Variants in SEC23IP observed in about 807,000 individuals in gnomAD.
SEC23IP encodes the protein SEC23-interacting protein.
Under a neutral mutation model 113.4 loss-of-function variants are expected in SEC23IP, and 70 were observed. The ratio of observed to expected loss-of-function variants is 0.62; its 90% confidence interval spans 0.51 to 0.75. The LOEUF is 0.75. Among genes scored for constraint, SEC23IP ranks in the 30% least tolerant of loss-of-function variants. The pLI is 0.00. For synonymous variants in SEC23IP, 398 were observed against 421.0 expected (o/e 0.95, Z 0.67); for missense variants, 1,160 against 1,204.9 (o/e 0.96, Z 0.55).
In SEC23IP at chr10:119,919,684, A is replaced by G. The variant is rs1855180724; in HGVS notation, c.2025+88A>G. 13 of 1,085,676 alleles carry G rather than the reference A, an allele frequency of 1.2e-5. No homozygotes were observed. In the South Asian group the frequency reaches 2.3e-4, roughly 19 times the overall value. 67.3% of individuals were successfully genotyped at this position (1,085,676 alleles called of 1,614,324 possible). A position where few individuals can be genotyped will look rare whatever the true frequency, so the allele number is the denominator to read the frequency against. On this transcript the variant is annotated intron_variant, in intron 11 of 18. Transcript: ENST00000369075. ...AGAATAAACATTTTCGTATCAAAAT[A>G]CACTCCAGAGTAGACAAAGACTGAA...
intron 13 of SEC23IP, among the ~76,000 whole-genome samples, chr10:119,928,236 A>G (rs895590232): frequency 1.3e-5 from 2 of 152,032 alleles, no homozygotes; most frequent in Non-Finnish European, 2.9e-5. Flanking sequence ...TGTTGAATTT[A>G]CCTGTTTTTC....
chr10:119,915,036 G>T (rs1486953973), intron 7 of SEC23IP, among the ~76,000 whole-genome samples: 1 of 152,210 alleles, frequency 6.6e-6, no homozygotes. Flanking sequence ...AATTAGAAGG[G>T]ATCTTGGAAG....
chr10:119,926,153 A>G lies in SEC23IP; in HGVS notation c.2239A>G (p.Arg747Gly), dbSNP rs147474858. ...SLPSESNEPK[R>G]KLPVGACVSS... ...CCCCTCAGAATCCAATGAGCCAAAG[A>G]GGAAACTTCCAGTTGGTGCTTGCGT... The change falls in exon 13 of 19, where the codon AGG becomes GGG. Residue 747 changes from arginine to glycine, a missense_variant. By Grantham distance (125) the Arg-to-Gly change is moderately radical. Coordinates refer to ENST00000369075, the MANE Select transcript of SEC23IP (RefSeq NM_007190.4). 1.5e-5 allele frequency: 25 copies of G among 1,614,048 alleles called. No homozygotes were observed. The African/African-American group carries it at 2.9e-4, about 19-fold the overall frequency.
At chr10:119,932,074 G>T in intron 15 of SEC23IP, 59 bp from the exon 16 acceptor site, 1 of 1,102,446 alleles carries the variant, frequency 9.1e-7, no homozygotes, top group Non-Finnish European at 1.4e-6. Context: ...TACAATTTTT[G>T]TGAGGCAGAA....
rs937627208 is a variant in SEC23IP, at chr10:119,936,456, T to A, written c.*20+2669T>A. ...TACTTGGGAGGCCGAGGCAGGAGGATCTCTTAAAACCTGGGAGGTGGAGGT... is the reference window on the plus strand; with the variant it reads ...TACTTGGGAGGCCGAGGCAGGAGGAACTCTTAAAACCTGGGAGGTGGAGGT... On this transcript the variant is annotated intron_variant, in intron 18 of 18. Transcript: ENST00000369075. 2.0e-5 allele frequency among the ~76,000 whole-genome samples: 3 copies of A among 147,010 alleles called. No homozygotes were observed. The South Asian group carries it at 6.4e-4, about 31-fold the overall frequency.
chr10:119,933,061 G>C lies in SEC23IP; in HGVS notation c.2815G>C (p.Val939Leu). Residue 939 changes from valine to leucine, a missense_variant, in exon 17 of 19, where the codon GTT becomes CTT. Val to Leu is a conservative substitution (Grantham distance 32). Transcript: ENST00000369075. Reference sequence around the variant, plus strand: ...CAAGGATGAGGACTACTTAGGAAAGGTTGGAATGTTAAATGGAGGCCGCCG... The same window carrying C: ...CAAGGATGAGGACTACTTAGGAAAGCTTGGAATGTTAAATGGAGGCCGCCG... Reference protein sequence around the residue: ...FSKDEDYLGKVGMLNGGRRID... With the variant: ...FSKDEDYLGKLGMLNGGRRID... The C allele has an allele frequency of 6.2e-7, 1 of 1,614,102 alleles. No individual in the cohort carries two copies. Among genetic ancestry groups the C allele is most frequent in the Non-Finnish European group, 8.5e-7 (1 of 1,179,956 alleles).
At chr10:119,933,312 TC>T (rs1371820667) in intron 17 of SEC23IP, 145 bp downstream of exon 17, 40 of 750,312 alleles carry the variant, frequency 5.3e-5, no homozygotes, top group Non-Finnish European at 6.2e-5. Flanking sequence ...TCGTTATTTT[TC>T]CCCCTTAGTT....
At chr10:119,893,865 G>T (rs1308217361) in intron 1 of SEC23IP, among the ~76,000 whole-genome samples, 1 of 152,060 alleles carries the variant, frequency 6.6e-6, no homozygotes, top group Non-Finnish European at 1.5e-5. Flanking sequence ...GCTGTTTCTT[G>T]TTCTCTTAGG....
In SEC23IP at chr10:119,900,277, GTGTA is replaced by G. The variant is rs200622164; in HGVS notation, c.696+1322_696+1325del. Among the ~76,000 whole-genome samples, 7 of 133,826 alleles carry G rather than the reference GTGTA, an allele frequency of 5.2e-5. No homozygotes were observed. In the East Asian group the frequency reaches 1.1e-3, roughly 22 times the overall value. 87.8% of individuals were successfully genotyped at this position (133,826 alleles called of 152,430 possible). A position where few individuals can be genotyped will look rare whatever the true frequency, so the allele number is the denominator to read the frequency against. On this transcript the variant is annotated intron_variant, in intron 2 of 18. Coordinates refer to ENST00000369075, the MANE Select transcript of SEC23IP (RefSeq NM_007190.4). ...TATGTGTATGTATATGTACGTGTGT[GTGTA>G]TGTGTGTGTGTGTGTGTATATATAT...
chr10:119,928,623 G>A (rs905035204), intron 13 of SEC23IP, among the ~76,000 whole-genome samples: 1 of 152,162 alleles, frequency 6.6e-6, no homozygotes. Context: ...TCTTTCTATG[G>A]ACCTCTGTTG....
chr10:119,933,804 T>C lies in SEC23IP; in HGVS notation c.*20+17T>C. ...TTTTACTGTGTGAGTTTATCCTTAT[T>C]GAATGTATAAATTCTGAATGTTTGC... On this transcript the variant is annotated intron_variant, in intron 18 of 18. Coordinates refer to ENST00000369075, the MANE Select transcript of SEC23IP (RefSeq NM_007190.4). 8.6e-7 allele frequency: 1 copy of C among 1,160,556 alleles called. No homozygotes were observed. The allele number at this position is 1,160,556 out of a possible 1,614,324, so 71.9% of individuals were successfully genotyped here. A position where few individuals can be genotyped will look rare whatever the true frequency, so the allele number is the denominator to read the frequency against.
intron 1 of SEC23IP, among the ~76,000 whole-genome samples, chr10:119,894,076 A>G (rs1191964730): frequency 1.3e-5 from 2 of 152,162 alleles, no homozygotes; most frequent in Non-Finnish European, 2.9e-5. Flanking sequence ...TTCAGTTTCT[A>G]TGTATGTGTA....
Position 119,942,325 on chromosome 10 carries a change from A to G in SEC23IP, c.*1760A>G, listed in dbSNP as rs1855988470. On this transcript the variant is annotated 3_prime_UTR_variant, in exon 19 of 19. Transcript: ENST00000369075. ...ACTCTGCCTGTGGATATATATACTC[A>G]TACATACATATATATATATACACAC... 6.6e-6 allele frequency: 1 copy of G among 151,232 alleles called. No individual in the cohort carries two copies. The highest frequency in any genetic ancestry group is 1.5e-5 in the Non-Finnish European group (1 of 67,906). The allele number at this position is 151,232 out of a possible 1,614,324, so 9.4% of individuals were successfully genotyped here.
chr10:119,937,154 C>T (rs1378729560), intron 18 of SEC23IP, among the ~76,000 whole-genome samples: 1 of 151,532 alleles, frequency 6.6e-6, no homozygotes, highest in Non-Finnish European at 1.5e-5. Context: ...GGATTACAGG[C>T]GTGAGCCACC....
chr10:119,908,013 T>C (rs1196691211), intron 4 of SEC23IP, among the ~76,000 whole-genome samples: 1 of 152,156 alleles, frequency 6.6e-6, no homozygotes, highest in Non-Finnish European at 1.5e-5. Flanking sequence ...TTTCATGAGG[T>C]ATTATAAGTA....
intron 18 of SEC23IP, 38 bp from the exon 19 acceptor site, chr10:119,940,548 A>G (rs1387679679): frequency 6.6e-6 from 1 of 151,916 alleles, no homozygotes; most frequent in East Asian, 1.9e-4. Context: ...GTAAATTTGT[A>G]AAGTTCACTG....
At chr10:119,915,413 C>T (rs1367927909) in intron 7 of SEC23IP, among the ~76,000 whole-genome samples, 1 of 152,008 alleles carries the variant, frequency 6.6e-6, no homozygotes, top group African/African-American at 2.4e-5. Flanking sequence ...TGAAACTCTC[C>T]CTTATCACAG....
intron 1 of SEC23IP, among the ~76,000 whole-genome samples, chr10:119,894,574 T>A (rs564552335): frequency 6.6e-6 from 1 of 152,318 alleles, no homozygotes. Flanking sequence ...CAGTAGATGT[T>A]TGTTGAATGA....
intron 12 of SEC23IP, among the ~76,000 whole-genome samples, chr10:119,923,061 GTTCTTAATTTA>G (rs1855302361): frequency 6.6e-6 from 1 of 151,638 alleles, no homozygotes; most frequent in Admixed American, 6.6e-5. Flanking sequence ...CCTACACCAT[GTTCTTAATTTA>G]TTCTGTAATG....
Sources: gnomAD v4.1 joint callset for allele counts (sites outside exome capture counted in the v4.1 genomes callset) on GRCh38, gnomAD v4.1.1 for gene constraint, MANE v1.5 for transcripts, NCBI Gene and HGNC (gene_info 2026-07-23, HGNC 2026-07-21) for gene names.